The following MYO5A variants were observed in gnomAD, a reference collection of about 807,000 sequenced individuals.
The protein encoded by MYO5A is myosin VA.
MYO5A carries 98 observed loss-of-function variants against 249.7 expected under a neutral mutation model. That is an observed-to-expected ratio of 0.39 (90% confidence interval 0.33 to 0.46). The LOEUF (loss-of-function observed/expected upper bound fraction) is 0.46, where lower values mean the gene tolerates loss of function less well. Ranked by LOEUF, MYO5A falls within the 20% of genes least tolerant of loss-of-function variation. The pLI is 0.98. For missense variants in MYO5A, 1,696 were observed against 2,308.8 expected (o/e 0.73, Z 5.44); for synonymous variants, 778 against 810.6 (o/e 0.96, Z 0.68).
At chr15:52,485,124 G>GT (rs1414304511) in intron 1 of MYO5A, among the ~76,000 whole-genome samples, 2 of 152,058 alleles carry the variant, frequency 1.3e-5, no homozygotes, top group Admixed American at 6.5e-5. Flanking sequence ...TAGGAAGTAT[G>GT]TAAGTCATTA....
chr15:52,417,602 A>G (rs2043565773), intron 4 of MYO5A, among the ~76,000 whole-genome samples: 1 of 152,206 alleles, frequency 6.6e-6, no homozygotes, highest in African/African-American at 2.4e-5. Flanking sequence ...ACATGATGAT[A>G]TTGGGAGGTG....
At position 52,389,335 on chromosome 15, in the gene MYO5A, G is replaced by A. The variant is rs1238162795; in HGVS notation, c.1571C>T (p.Ala524Val). ...CAAATGTGTGTTGTACAATTTTTGG[G>A]CCCAGGTGTCATCTGTGCCTTTAGG... Reference protein sequence around the residue: ...KMPKGTDDTWAQKLYNTHLNK... With the variant: ...KMPKGTDDTWVQKLYNTHLNK... Residue 524 changes from alanine (A) to valine (V), a missense_variant, in exon 13 of 42, where the codon GCC becomes GTC. By Grantham distance (64) the Ala-to-Val change is moderately conservative. This residue lies in a region of MYO5A where 277 missense variants were observed against 422.4 expected (regional missense o/e 0.66). Coordinates refer to ENST00000399233, the MANE Select transcript of MYO5A (RefSeq NM_001382347.1). 6.2e-7 allele frequency: 1 copy of A among 1,612,984 alleles called. No individual in the cohort carries two copies. The highest frequency in any genetic ancestry group is 1.7e-5 in the Admixed American group (1 of 60,010).
chr15:52,356,410 T>C (rs2040221857), intron 25 of MYO5A, among the ~76,000 whole-genome samples: 1 of 152,134 alleles, frequency 6.6e-6, no homozygotes, highest in Non-Finnish European at 1.5e-5. Flanking sequence ...TATGCATCTA[T>C]AGATTTAAAG....
chr15:52,410,398 T>C lies in MYO5A; in HGVS notation c.691A>G (p.Arg231Gly). Reference sequence around the variant, plus strand: ...ATATTGGCACCAATGATTCGATATCTCTTATCAAAACCAATCTCAATATAC... The same window carrying C: ...ATATTGGCACCAATGATTCGATATCCCTTATCAAAACCAATCTCAATATAC... ...GKYIEIGFDK[R>G]YRIIGANMRT... Residue 231 changes from arginine (R) to glycine (G), a missense_variant, in exon 6 of 42, where the codon AGA (arginine) becomes GGA (glycine). Physicochemically the swap from Arg to Gly is moderately radical, Grantham distance 125. Transcript: ENST00000399233. The C allele has an allele frequency of 6.2e-7, 1 of 1,613,510 alleles. No individual in the cohort carries two copies. Among genetic ancestry groups the C allele is most frequent in the East Asian group, 2.2e-5 (1 of 44,866 alleles).
At chr15:52,508,319 T>C (rs759479260) in intron 1 of MYO5A, among the ~76,000 whole-genome samples, 1 of 152,062 alleles carries the variant, frequency 6.6e-6, no homozygotes, top group Non-Finnish European at 1.5e-5. Flanking sequence ...TCCAAGTGGA[T>C]TTTGTAGCTA....
intron 35 of MYO5A, 143 bp from the exon 36 acceptor site, chr15:52,328,149 C>T (rs1016097964): frequency 1.2e-5 from 8 of 682,538 alleles, no homozygotes; most frequent in Non-Finnish European, 1.9e-5. Context: ...TTTAATAGCT[C>T]TTTAAGTAGA....
chr15:52,415,989 T>C, intron 5 of MYO5A, 156 bp downstream of exon 5: 1 of 900,492 alleles, frequency 1.1e-6, no homozygotes, highest in Non-Finnish European at 1.7e-6. Context: ...AAGTTTTTAC[T>C]TTCCCTAGAT....
chr15:52,464,892 T>C (rs1463820708), intron 1 of MYO5A, among the ~76,000 whole-genome samples: 1 of 152,250 alleles, frequency 6.6e-6, no homozygotes, highest in East Asian at 1.9e-4. Flanking sequence ...TATGTATATA[T>C]GACTGTCACT....
chr15:52,491,748 A>G (rs1333472714), intron 1 of MYO5A, among the ~76,000 whole-genome samples: 1 of 152,252 alleles, frequency 6.6e-6, no homozygotes, highest in Non-Finnish European at 1.5e-5. Flanking sequence ...ATATGAAGGC[A>G]TTGGGCTTTC....
intron 1 of MYO5A, among the ~76,000 whole-genome samples, chr15:52,512,569 T>G (rs2077414278): frequency 6.6e-6 from 1 of 152,068 alleles, no homozygotes; most frequent in East Asian, 1.9e-4. Context: ...ATCAAAACAT[T>G]AAGAGTATCT....
At chr15:52,466,774 G>A (rs1391444328) in intron 1 of MYO5A, among the ~76,000 whole-genome samples, 1 of 152,150 alleles carries the variant, frequency 6.6e-6, no homozygotes, top group Admixed American at 6.5e-5. Context: ...TAGGGTGCAG[G>A]ATCCAGGCCC....
chr15:52,392,415 T>C (rs1184296195), intron 11 of MYO5A, among the ~76,000 whole-genome samples: 1 of 152,260 alleles, frequency 6.6e-6, no homozygotes, highest in Non-Finnish European at 1.5e-5. Context: ...GACACAGGAA[T>C]GCCTTAGCTG....
intron 14 of MYO5A, 21 bp downstream of exon 14, chr15:52,387,808 A>C (rs201833851): frequency 1.3e-6 from 2 of 1,507,598 alleles, no homozygotes; most frequent in South Asian, 1.1e-5. Flanking sequence ...CCTGGATTAG[A>C]GTAAGCCTAT....
chr15:52,495,229 G>A (rs1490013960), intron 1 of MYO5A, among the ~76,000 whole-genome samples: 1 of 152,172 alleles, frequency 6.6e-6, no homozygotes, highest in Non-Finnish European at 1.5e-5. Flanking sequence ...AGCCTTAGAA[G>A]GAAGTCTTGT....
intron 6 of MYO5A, among the ~76,000 whole-genome samples, chr15:52,409,792 C>G (rs1039727234): frequency 6.6e-6 from 1 of 152,156 alleles, no homozygotes; most frequent in Non-Finnish European, 1.5e-5. Context: ...ACTTACCAAT[C>G]AAAAGGGACC....
intron 1 of MYO5A, among the ~76,000 whole-genome samples, chr15:52,443,537 C>G (rs1159131695): frequency 6.6e-6 from 1 of 150,798 alleles, no homozygotes; most frequent in Admixed American, 6.6e-5. Context: ...ATGGAGAAAC[C>G]CCGTCTCTAC....
intron 11 of MYO5A, among the ~76,000 whole-genome samples, chr15:52,393,595 G>A (rs774518688): frequency 1.6e-4 from 24 of 151,940 alleles, no homozygotes; most frequent in African/African-American, 3.1e-4. Flanking sequence ...GGGTTTCACC[G>A]TGTTAGCCAG....
intron 20 of MYO5A, 133 bp from the exon 21 acceptor site, chr15:52,372,496 T>C: frequency 2.5e-6 from 3 of 1,202,424 alleles, no homozygotes; most frequent in Non-Finnish European, 1.2e-6. Context: ...ATGTACTATG[T>C]AGATTATACT....
intron 32 of MYO5A, 64 bp from the exon 33 acceptor site, chr15:52,337,948 C>A: frequency 9.2e-7 from 1 of 1,092,700 alleles, no homozygotes; most frequent in South Asian, 1.5e-5. Flanking sequence ...TGCTATCTTT[C>A]AGCAAAATCA....
Sources: gnomAD v4.1 joint callset for allele counts (sites outside exome capture counted in the v4.1 genomes callset) on GRCh38, gnomAD v4.1.1 for gene constraint, gnomAD v4.1.1 regional missense constraint, MANE v1.5 for transcripts, NCBI Gene and HGNC (gene_info 2026-07-23, HGNC 2026-07-21) for gene names.